The following ZFHX3 variants were observed in gnomAD, a reference collection of about 807,000 sequenced individuals.
ZFHX3 encodes the protein zinc finger homeobox 3.
Under a neutral mutation model 279.1 loss-of-function variants are expected in ZFHX3, and 42 were observed. That is an observed-to-expected ratio of 0.15 (90% confidence interval 0.12 to 0.19). ZFHX3 has a LOEUF of 0.19. ZFHX3 is among the 10% of genes least tolerant of loss of function. The probability of loss-of-function intolerance (pLI) is 1.00; values close to 1 mark genes in which losing one functional copy is unlikely to be tolerated. For synonymous variants in ZFHX3, 2,293 were observed against 1,957.8 expected (o/e 1.17, Z -4.52); for missense variants, 4,981 against 4,754.0 (o/e 1.05, Z -1.40).
At chr16:73,883,852 T>C (rs1287575569) in intron 1 of ZFHX3, among the ~76,000 whole-genome samples, 1 of 151,974 alleles carries the variant, frequency 6.6e-6, no homozygotes, top group Non-Finnish European at 1.5e-5. Flanking sequence ...CATAAGTGAG[T>C]AGGACACAAA....
intron 2 of ZFHX3, among the ~76,000 whole-genome samples, chr16:73,509,358 AC>A (rs2019382883): frequency 6.7e-6 from 1 of 148,188 alleles, no homozygotes; most frequent in African/African-American, 2.5e-5. Context: ...CTCCCCCTCC[AC>A]CCCCTAAACA....
chr16:73,601,713 T>C (rs1003880980), intron 2 of ZFHX3, among the ~76,000 whole-genome samples: 4 of 152,188 alleles, frequency 2.6e-5, no homozygotes, highest in African/African-American at 9.6e-5. Context: ...CATCAGATAT[T>C]CCCTGACTTC....
At chr16:73,591,692 C>CAAAAAAAAAAAAA (rs57402211) in intron 2 of ZFHX3, among the ~76,000 whole-genome samples, 35 of 33,412 alleles carry the variant, frequency 1.0e-3, no homozygotes, top group Admixed American at 1.8e-3. Flanking sequence ...GACTCTGTCT[C>CAAAAAAAAAAAAA]AAAAAAAAAA....
intron 5 of ZFHX3, among the ~76,000 whole-genome samples, chr16:73,225,150 G>A (rs1407994705): frequency 5.3e-5 from 8 of 152,250 alleles, no homozygotes; most frequent in East Asian, 1.9e-4. Context: ...GTACTGCCAA[G>A]TCTTGTCTTT....
At chr16:73,463,153 CCT>C (rs772020858) in intron 2 of ZFHX3, among the ~76,000 whole-genome samples, 4 of 152,152 alleles carry the variant, frequency 2.6e-5, no homozygotes. Flanking sequence ...CTGATTGAAC[CCT>C]GATACCTTAA....
At chr16:72,850,220 C>A (rs752444782) in intron 4 of ZFHX3, among the ~76,000 whole-genome samples, 1 of 152,180 alleles carries the variant, frequency 6.6e-6, no homozygotes, top group Non-Finnish European at 1.5e-5. Context: ...CACAGTCACA[C>A]CTACTGTCAC....
Position 72,959,176 on chromosome 16 carries a change from C to A in ZFHX3, c.970G>T (p.Ala324Ser). The A allele has an allele frequency of 1.9e-6, 3 of 1,614,154 alleles. No homozygotes were observed. Among genetic ancestry groups the A allele is most frequent in the Non-Finnish European group, 2.5e-6 (3 of 1,180,042 alleles). Reference protein sequence around the residue: ...RKILSNKNISAIIQGIGKDKE... With the variant: ...RKILSNKNISSIIQGIGKDKE... Reference sequence around the variant, plus strand: ...TCTTTGCCGATCCCTTGGATGATAGCGGAGATGTTCTTATTGCTAAGAATT... The same window carrying A: ...TCTTTGCCGATCCCTTGGATGATAGAGGAGATGTTCTTATTGCTAAGAATT... Residue 324 changes from alanine (A) to serine (S), a missense_variant, in exon 2 of 10, where the codon GCT (alanine) becomes TCT (serine). By Grantham distance (99) the Ala-to-Ser change is moderately conservative. This residue lies in a region of ZFHX3 where 1,068 missense variants were observed against 935.2 expected (regional missense o/e 1.14). Coordinates refer to ENST00000268489, the MANE Select transcript of ZFHX3 (RefSeq NM_006885.4).
At chr16:72,924,137 G>A (rs1331557927) in intron 3 of ZFHX3, among the ~76,000 whole-genome samples, 1 of 152,116 alleles carries the variant, frequency 6.6e-6, no homozygotes, top group East Asian at 1.9e-4. Flanking sequence ...GTCTTTCAGA[G>A]TTGGTTGCAA....
intron 2 of ZFHX3, among the ~76,000 whole-genome samples, chr16:73,620,261 C>T (rs908119331): frequency 1.3e-5 from 2 of 152,168 alleles, no homozygotes; most frequent in Non-Finnish European, 2.9e-5. Flanking sequence ...CACAAAAGCA[C>T]CAGTGTAATA....
rs2013246866 is a variant in ZFHX3 at position 73,245,291 on chromosome 16, A to G, written c.-1104+11756T>C. Among the ~76,000 whole-genome samples, 3 of 152,054 alleles carry G rather than the reference A, an allele frequency of 2.0e-5. No homozygotes were observed. The South Asian group carries it at 6.2e-4, about 32-fold the overall frequency. On this transcript the variant is annotated intron_variant, in intron 5 of 17. Coordinates refer to the ZFHX3 transcript ENST00000641206. ...GTTTTTTTGTTTGTTTCTTTGTTTAATACAGTCTCGCTCTGTCACCCAGGC... is the reference window on the plus strand; with the variant it reads ...GTTTTTTTGTTTGTTTCTTTGTTTAGTACAGTCTCGCTCTGTCACCCAGGC...
At chr16:73,020,443 C>G (rs1465550162) in intron 1 of ZFHX3, among the ~76,000 whole-genome samples, 1 of 152,206 alleles carries the variant, frequency 6.6e-6, no homozygotes, top group Non-Finnish European at 1.5e-5. Context: ...AGAAAAACAT[C>G]CCCCACACAG....
At chr16:73,753,941 G>A (rs1463188198) in intron 1 of ZFHX3, among the ~76,000 whole-genome samples, 1 of 148,786 alleles carries the variant, frequency 6.7e-6, no homozygotes, top group Admixed American at 6.7e-5. Context: ...TGTCTTTATA[G>A]ACTATAACTG....
At chr16:73,656,638 T>C (rs186032104) in intron 2 of ZFHX3, among the ~76,000 whole-genome samples, 2 of 152,334 alleles carry the variant, frequency 1.3e-5, no homozygotes, top group East Asian at 3.9e-4. Context: ...TTTCTGGTTG[T>C]ATGCTAAATT....
At chr16:73,303,966 A>G (rs1368259213) in intron 4 of ZFHX3, among the ~76,000 whole-genome samples, 10 of 118,110 alleles carry the variant, frequency 8.5e-5, no homozygotes, top group East Asian at 3.3e-4. Flanking sequence ...CTAGGTGGAA[A>G]AAAAAAAAAA....
intron 2 of ZFHX3, among the ~76,000 whole-genome samples, chr16:73,640,679 A>G (rs1052416763): frequency 6.6e-6 from 1 of 152,206 alleles, no homozygotes; most frequent in Non-Finnish European, 1.5e-5. Context: ...AGGAGAAAAG[A>G]TAAGAAAATC....
At chr16:73,003,852 T>G (rs1427629565) in intron 1 of ZFHX3, among the ~76,000 whole-genome samples, 1 of 151,900 alleles carries the variant, frequency 6.6e-6, no homozygotes, top group Non-Finnish European at 1.5e-5. Context: ...CACATTTAAA[T>G]AAACCTTAAA....
intron 3 of ZFHX3, among the ~76,000 whole-genome samples, chr16:73,452,634 A>C (rs1348041535): frequency 1.3e-5 from 2 of 152,154 alleles, no homozygotes; most frequent in African/African-American, 2.4e-5. Flanking sequence ...CCCTAGGAAA[A>C]CCATTCCTAC....
chr16:73,002,683 A>C (rs1050002357), intron 1 of ZFHX3, among the ~76,000 whole-genome samples: 1 of 152,166 alleles, frequency 6.6e-6, no homozygotes, highest in African/African-American at 2.4e-5. Flanking sequence ...ATCATAAATA[A>C]TTAAAGCTAA....
At chr16:73,800,686 G>C (rs921721498) in intron 1 of ZFHX3, among the ~76,000 whole-genome samples, 1 of 152,040 alleles carries the variant, frequency 6.6e-6, no homozygotes, top group African/African-American at 2.4e-5. Context: ...TTTCTCAATT[G>C]GTTTCTGAGT....
Sources: allele counts gnomAD v4.1 joint callset (sites outside exome capture counted in the v4.1 genomes callset), GRCh38; gene constraint gnomAD v4.1.1; regional missense constraint gnomAD v4.1.1; transcripts MANE v1.5; gene names NCBI Gene and HGNC (gene_info 2026-07-23, HGNC 2026-07-21).